The following ELMO1 variants were observed in gnomAD, a reference collection of about 807,000 sequenced individuals.
The protein encoded by ELMO1 is engulfment and cell motility protein 1.
In ELMO1, 26 loss-of-function variants were observed where a neutral mutation model predicts 98.9. The ratio of observed to expected loss-of-function variants is 0.26; its 90% confidence interval spans 0.19 to 0.36. ELMO1 has a LOEUF of 0.36. Ranked by LOEUF, ELMO1 falls within the 10% of genes least tolerant of loss-of-function variation. The probability of loss-of-function intolerance (pLI) is 1.00; values close to 1 mark genes in which losing one functional copy is unlikely to be tolerated. For synonymous variants in ELMO1, 346 were observed against 346.0 expected (o/e 1.00, Z 0.00); for missense variants, 627 against 935.2 (o/e 0.67, Z 4.30).
At chr7:37,261,698 A>T (rs1018892886) in intron 5 of ELMO1, among the ~76,000 whole-genome samples, 7 of 151,924 alleles carry the variant, frequency 4.6e-5, no homozygotes, top group Admixed American at 2.0e-4. Context: ...CGCCTCCCAG[A>T]TTCAAGCGAT....
chr7:37,321,716 C>CAAAAAAAAGAAAA (rs1799510072), intron 2 of ELMO1, among the ~76,000 whole-genome samples: 1 of 66,104 alleles, frequency 1.5e-5, no homozygotes, highest in East Asian at 3.9e-4. Context: ...GACTCCGTCT[C>CAAAAAAAAGAAAA]AAAAAAAAAA....
intron 13 of ELMO1, among the ~76,000 whole-genome samples, chr7:37,197,918 G>C (rs1160953617): frequency 6.6e-6 from 1 of 152,164 alleles, no homozygotes; most frequent in East Asian, 1.9e-4. Flanking sequence ...TCCAGCCTAG[G>C]TCCAAGGCAC....
At chr7:37,308,286 A>C (rs543367005) in intron 4 of ELMO1, among the ~76,000 whole-genome samples, 2 of 152,328 alleles carry the variant, frequency 1.3e-5, no homozygotes, top group East Asian at 3.9e-4. Context: ...AGTCCAGCTT[A>C]AAACCATCTC....
intron 15 of ELMO1, among the ~76,000 whole-genome samples, chr7:37,075,109 G>C (rs1006704196): frequency 6.6e-6 from 1 of 151,954 alleles, no homozygotes; most frequent in Non-Finnish European, 1.5e-5. Context: ...TAGATACATG[G>C]CTTTTACGTA....
chr7:37,084,145 T>C (rs1321170678), intron 15 of ELMO1, among the ~76,000 whole-genome samples: 3 of 152,134 alleles, frequency 2.0e-5, no homozygotes, highest in African/African-American at 4.8e-5. Flanking sequence ...TTGGACTCAG[T>C]GGGCCTTCTC....
intron 5 of ELMO1, chr7:37,271,035 T>A (rs557926008): frequency 2.6e-5 from 4 of 151,694 alleles, no homozygotes; most frequent in Admixed American, 2.6e-4. Context: ...ACCTATTAGG[T>A]TTCACGCCAT....
At chr7:37,194,625 A>T (rs542678203) in intron 13 of ELMO1, among the ~76,000 whole-genome samples, 2 of 152,334 alleles carry the variant, frequency 1.3e-5, no homozygotes, top group African/African-American at 4.8e-5. Flanking sequence ...CCAGCCTCAA[A>T]GGAGCAGAAA....
chr7:36,860,110 A>T lies in ELMO1; in HGVS notation c.1983+1549T>A, dbSNP rs574743060. On this transcript the variant is annotated intron_variant, in intron 21 of 21. Coordinates refer to ENST00000310758, the MANE Select transcript of ELMO1 (RefSeq NM_014800.11). ...GCTTACCTTATTGGAAGAATACAGT[A>T]TAAAATCCACATAACATACAAAATG... 2.6e-5 allele frequency among the ~76,000 whole-genome samples: 4 copies of T among 152,364 alleles called. No individual in the cohort carries two copies. The South Asian group carries it at 8.3e-4, about 32-fold the overall frequency.
At chr7:37,164,443 T>A (rs969780690) in intron 13 of ELMO1, among the ~76,000 whole-genome samples, 1 of 152,144 alleles carries the variant, frequency 6.6e-6, no homozygotes, top group South Asian at 2.1e-4. Flanking sequence ...AATGCCTAGG[T>A]TTTCTTCTAG....
chr7:37,278,651 C>A (rs1250490417), intron 4 of ELMO1, among the ~76,000 whole-genome samples: 1 of 152,194 alleles, frequency 6.6e-6, no homozygotes, highest in Admixed American at 6.5e-5. Context: ...TTTTCCTAAC[C>A]AGCTCCCATA....
intron 1 of ELMO1, among the ~76,000 whole-genome samples, chr7:37,441,568 T>C (rs1805417884): frequency 6.6e-6 from 1 of 152,178 alleles, no homozygotes; most frequent in South Asian, 2.1e-4. Flanking sequence ...ACACAGACAT[T>C]TCCTTTGTCT....
intron 15 of ELMO1, among the ~76,000 whole-genome samples, chr7:37,085,587 T>G (rs1015209696): frequency 6.6e-6 from 1 of 152,102 alleles, no homozygotes; most frequent in African/African-American, 2.4e-5. Context: ...CTTTGAAGGG[T>G]ATGGCCTGGT....
chr7:36,918,439 C>T (rs1784877545), intron 16 of ELMO1, among the ~76,000 whole-genome samples: 1 of 152,112 alleles, frequency 6.6e-6, no homozygotes. Flanking sequence ...AAGAGTAGCA[C>T]TCAGATATGA....
chr7:37,137,738 C>T (rs1183997924), intron 13 of ELMO1, among the ~76,000 whole-genome samples: 3 of 152,064 alleles, frequency 2.0e-5, no homozygotes, highest in African/African-American at 7.2e-5. Context: ...GGTTTTGCCA[C>T]GTTGACCAGG....
chr7:37,373,968 A>G (rs1442653949), intron 1 of ELMO1, among the ~76,000 whole-genome samples: 1 of 152,186 alleles, frequency 6.6e-6, no homozygotes, highest in African/African-American at 2.4e-5. Flanking sequence ...TTATGGGGAA[A>G]ATGTACAGTG....
intron 1 of ELMO1, among the ~76,000 whole-genome samples, chr7:37,363,896 C>T (rs181272301): frequency 6.6e-6 from 1 of 152,118 alleles, no homozygotes; most frequent in East Asian, 1.9e-4. Context: ...ACCAAAGAAG[C>T]CAGGGAAGAG....
intron 4 of ELMO1, among the ~76,000 whole-genome samples, chr7:37,277,888 A>G (rs1297618233): frequency 6.6e-6 from 1 of 152,230 alleles, no homozygotes; most frequent in African/African-American, 2.4e-5. Flanking sequence ...GCCTAGGCAG[A>G]TGGCATGACT....
chr7:36,980,691 C>A (rs1319345431), intron 16 of ELMO1, among the ~76,000 whole-genome samples: 5 of 152,176 alleles, frequency 3.3e-5, no homozygotes, highest in Admixed American at 6.5e-5. Context: ...TCCAAAGATA[C>A]TTATTGTAAT....
At chr7:36,975,013 C>T (rs149866633) in intron 16 of ELMO1, among the ~76,000 whole-genome samples, 3,976 of 152,096 alleles carry the variant, frequency 0.026, 184 homozygotes, top group African/African-American at 0.091. Flanking sequence ...AAACTCCAGA[C>T]GCGCCACCTT....
Sources: allele counts gnomAD v4.1 joint callset (sites outside exome capture counted in the v4.1 genomes callset), GRCh38; gene constraint gnomAD v4.1.1; transcripts MANE v1.5; gene names NCBI Gene and HGNC (gene_info 2026-07-23, HGNC 2026-07-21).